PCCA: variants seen among roughly 807,000 people sequenced by gnomAD.
The protein encoded by PCCA is propionyl-CoA carboxylase subunit alpha, also known as propionyl-CoA carboxylase alpha chain, mitochondrial.
A neutral mutation model predicts 101.3 loss-of-function variants in PCCA; 74 were observed. That is an observed-to-expected ratio of 0.73 (90% confidence interval 0.61 to 0.89). The LOEUF (loss-of-function observed/expected upper bound fraction) is 0.89, where lower values mean the gene tolerates loss of function less well. Ranked by LOEUF, PCCA falls within the 40% of genes least tolerant of loss-of-function variation. PCCA has a pLI of 0.00. For missense variants in PCCA, 891 were observed against 907.0 expected (o/e 0.98, Z 0.23); for synonymous variants, 294 against 313.6 (o/e 0.94, Z 0.66).
intron 19 of PCCA, among the ~76,000 whole-genome samples, chr13:100,393,137 A>G (rs2076883700): frequency 6.6e-6 from 1 of 152,186 alleles, no homozygotes; most frequent in African/African-American, 2.4e-5. Flanking sequence ...TCTCCTGCTT[A>G]TGGGTTGTGT....
chr13:100,472,104 C>T lies in PCCA; in HGVS notation c.1899+22799C>T, dbSNP rs549070264. Reference sequence around the variant, plus strand: ...TTTTATATACCTGCTGATGGGGCTGCGTTCCCTATTTCTGTAAGCGCGAAT... The same window carrying T: ...TTTTATATACCTGCTGATGGGGCTGTGTTCCCTATTTCTGTAAGCGCGAAT... On this transcript the variant is annotated intron_variant, in intron 21 of 23. Coordinates refer to ENST00000376285, the MANE Select transcript of PCCA (RefSeq NM_000282.4). Among the ~76,000 whole-genome samples, 28 of 152,290 alleles carry T rather than the reference C, an allele frequency of 1.8e-4. No homozygotes were observed. The South Asian group carries it at 3.5e-3, about 19-fold the overall frequency.
At chr13:100,286,507 A>G (rs2064672034) in intron 12 of PCCA, among the ~76,000 whole-genome samples, 1 of 152,204 alleles carries the variant, frequency 6.6e-6, no homozygotes, top group Non-Finnish European at 1.5e-5. Context: ...GGTAACTGAA[A>G]AAGGTTGCTT....
intron 9 of PCCA, among the ~76,000 whole-genome samples, chr13:100,259,308 A>G (rs1260486006): frequency 1.5e-5 from 2 of 130,300 alleles, no homozygotes; most frequent in African/African-American, 5.8e-5. Context: ...CATCTGAAAG[A>G]TTTTTTTTAA....
At chr13:100,168,442 TG>T (rs970484481) in intron 6 of PCCA, among the ~76,000 whole-genome samples, 1 of 152,184 alleles carries the variant, frequency 6.6e-6, no homozygotes, top group Non-Finnish European at 1.5e-5. Flanking sequence ...GGAAATGGCA[TG>T]GGGGCAGTTT....
intron 12 of PCCA, among the ~76,000 whole-genome samples, chr13:100,287,887 A>G (rs983731584): frequency 1.3e-5 from 2 of 152,168 alleles, no homozygotes; most frequent in African/African-American, 4.8e-5. Flanking sequence ...AGATGGATTA[A>G]ATAAGGTTAC....
chr13:100,450,586 A>T (rs1446556662), intron 21 of PCCA, among the ~76,000 whole-genome samples: 1 of 152,156 alleles, frequency 6.6e-6, no homozygotes, highest in Non-Finnish European at 1.5e-5. Context: ...TTTATTAAGA[A>T]TATCAGAGGT....
intron 18 of PCCA, among the ~76,000 whole-genome samples, chr13:100,362,481 G>A (rs1201842270): frequency 6.6e-6 from 1 of 152,100 alleles, no homozygotes; most frequent in East Asian, 1.9e-4. Flanking sequence ...TGCTGATGAG[G>A]AAACTGAGGC....
chr13:100,424,162 G>A (rs866363445), intron 19 of PCCA, among the ~76,000 whole-genome samples: 4 of 152,140 alleles, frequency 2.6e-5, no homozygotes, highest in Non-Finnish European at 5.9e-5. Context: ...CATTTACATT[G>A]TATTAGGTAT....
At chr13:100,491,834 T>C (rs1413849080) in intron 21 of PCCA, 1 of 989,104 alleles carries the variant, frequency 1.0e-6, no homozygotes, top group Admixed American at 4.5e-5. Context: ...TTTCTCTATT[T>C]TTTAAAATAA....
chr13:100,103,445 G>A (rs2047458094), intron 2 of PCCA, among the ~76,000 whole-genome samples: 1 of 150,772 alleles, frequency 6.6e-6, no homozygotes, highest in South Asian at 2.1e-4. Context: ...CTGAGTAGCT[G>A]GGATTACAGG....
At chr13:100,151,953 T>G (rs927636321) in intron 4 of PCCA, among the ~76,000 whole-genome samples, 1 of 145,988 alleles carries the variant, frequency 6.8e-6, no homozygotes, top group Non-Finnish European at 1.5e-5. Context: ...CAGAATAGCA[T>G]CTGCATTGCT....
chr13:100,410,610 C>T (rs964398574), intron 19 of PCCA, among the ~76,000 whole-genome samples: 2 of 152,182 alleles, frequency 1.3e-5, no homozygotes, highest in Non-Finnish European at 2.9e-5. Flanking sequence ...GCAGTTCTTG[C>T]GGACCTCTCC....
chr13:100,421,809 C>T (rs909634318), intron 19 of PCCA, among the ~76,000 whole-genome samples: 1 of 151,990 alleles, frequency 6.6e-6, no homozygotes, highest in Non-Finnish European at 1.5e-5. Context: ...CTCAGCCTCC[C>T]GAGTAGCTGG....
chr13:100,475,961 A>G (rs1299693552), intron 21 of PCCA, among the ~76,000 whole-genome samples: 1 of 152,178 alleles, frequency 6.6e-6, no homozygotes, highest in Non-Finnish European at 1.5e-5. Context: ...TTTTTTTAAA[A>G]CAAACTTGAC....
chr13:100,424,657 G>C (rs573975674), intron 19 of PCCA, among the ~76,000 whole-genome samples: 1 of 152,196 alleles, frequency 6.6e-6, no homozygotes, highest in South Asian at 2.1e-4. Context: ...AGCAATCTTT[G>C]TCCACTGCCA....
chr13:100,251,005 G>GTA (rs2061717000), intron 8 of PCCA, among the ~76,000 whole-genome samples: 1 of 152,064 alleles, frequency 6.6e-6, no homozygotes, highest in African/African-American at 2.4e-5. Flanking sequence ...AGATATAATA[G>GTA]TATATATACC....
intron 12 of PCCA, among the ~76,000 whole-genome samples, chr13:100,276,166 A>G (rs970307150): frequency 2.8e-5 from 4 of 141,192 alleles, no homozygotes. Flanking sequence ...CCTTGAGCCC[A>G]GGAGTTCAAG....
At chr13:100,320,209 T>G (rs1174225862) in intron 16 of PCCA, among the ~76,000 whole-genome samples, 7 of 152,232 alleles carry the variant, frequency 4.6e-5, no homozygotes, top group Admixed American at 6.5e-5. Context: ...GCTTATCAGC[T>G]TAAGGAGATT....
chr13:100,277,766 G>T (rs563061991), intron 12 of PCCA, among the ~76,000 whole-genome samples: 16 of 152,316 alleles, frequency 1.1e-4, no homozygotes, highest in African/African-American at 3.4e-4. Context: ...TGCAGTGTAA[G>T]AGTATACCCT....
Sources: allele counts gnomAD v4.1 joint callset (sites outside exome capture counted in the v4.1 genomes callset), GRCh38; gene constraint gnomAD v4.1.1; transcripts MANE v1.5; gene names NCBI Gene and HGNC (gene_info 2026-07-23, HGNC 2026-07-21).